The following SYNDIG1 variants were observed in gnomAD, a reference collection of about 807,000 sequenced individuals.
The protein encoded by SYNDIG1 is synapse differentiation-inducing gene protein 1.
SYNDIG1 carries 9 observed loss-of-function variants against 19.4 expected under a neutral mutation model. That is an observed-to-expected ratio of 0.46 (90% CI 0.28 to 0.81). SYNDIG1 has a LOEUF of 0.81. SYNDIG1 is among the 30% of genes least tolerant of loss of function. The pLI is 0.12. For missense variants in SYNDIG1, 311 were observed against 343.3 expected (o/e 0.91, Z 0.74); for synonymous variants, 141 against 145.9 (o/e 0.97, Z 0.24).
intron 2 of SYNDIG1, among the ~76,000 whole-genome samples, chr20:24,573,377 C>T (rs995838472): frequency 5.9e-5 from 9 of 152,142 alleles, no homozygotes; most frequent in Admixed American, 2.6e-4. Flanking sequence ...GTGTGATGCC[C>T]ACTCCCTACC....
chr20:24,621,432 T>C (rs1046973386), intron 3 of SYNDIG1, among the ~76,000 whole-genome samples: 1 of 152,232 alleles, frequency 6.6e-6, no homozygotes, highest in Admixed American at 6.5e-5. Context: ...ATGTATTATT[T>C]CAGATTTGCT....
intron 1 of SYNDIG1, among the ~76,000 whole-genome samples, chr20:24,497,142 A>C (rs2056323512): frequency 6.6e-6 from 1 of 152,112 alleles, no homozygotes; most frequent in South Asian, 2.1e-4. Context: ...GAATCAAGTA[A>C]GTTTTTTCTG....
At chr20:24,509,910 C>A (rs1318369289) in intron 1 of SYNDIG1, among the ~76,000 whole-genome samples, 1 of 152,158 alleles carries the variant, frequency 6.6e-6, no homozygotes, top group African/African-American at 2.4e-5. Context: ...TCTTCATGAA[C>A]GGTTTAGCGC....
At chr20:24,509,754 C>T (rs1600477143) in intron 1 of SYNDIG1, among the ~76,000 whole-genome samples, 1 of 152,210 alleles carries the variant, frequency 6.6e-6, no homozygotes, top group Non-Finnish European at 1.5e-5. Flanking sequence ...TGTTCTCTCT[C>T]ACAAATGCTG....
intron 3 of SYNDIG1, among the ~76,000 whole-genome samples, chr20:24,618,280 T>G: frequency 2.7e-5 from 3 of 109,956 alleles, no homozygotes; most frequent in South Asian, 3.1e-4. Context: ...GGAAGGGGGG[T>G]CCTGAGGGAC....
intron 3 of SYNDIG1, among the ~76,000 whole-genome samples, chr20:24,592,186 A>G (rs2058522506): frequency 6.6e-6 from 1 of 152,230 alleles, no homozygotes. Flanking sequence ...TCTCCTCTGA[A>G]TAAGATGCTC....
chr20:24,661,364 AAACCGAGGGAAGAGGGAGGGAG>A (rs2059586139), intron 3 of SYNDIG1, among the ~76,000 whole-genome samples: 32 of 112,888 alleles, frequency 2.8e-4, no homozygotes, highest in East Asian at 6.3e-4. Flanking sequence ...GAGGGAGGGA[AAACCGAGGGAAGAGGGAGGGAG>A]GAAAGAGGGA....
intron 3 of SYNDIG1, among the ~76,000 whole-genome samples, chr20:24,585,284 T>A (rs999600345): frequency 6.6e-6 from 1 of 152,212 alleles, no homozygotes. Context: ...AGAAGGCACA[T>A]GGCCTTTGGG....
chr20:24,506,459 G>A (rs1668300631), intron 1 of SYNDIG1, among the ~76,000 whole-genome samples: 1 of 152,214 alleles, frequency 6.6e-6, no homozygotes. Flanking sequence ...TCCCCCTGGT[G>A]CCACCACAGC....
chr20:24,660,310 A>G (rs1265584518), intron 3 of SYNDIG1, among the ~76,000 whole-genome samples: 1 of 152,254 alleles, frequency 6.6e-6, no homozygotes, highest in Non-Finnish European at 1.5e-5. Context: ...TTCAGCTATA[A>G]GAAATGCTGA....
chr20:24,500,514 CTTTCTTTCT>C (rs1390015567), intron 1 of SYNDIG1, among the ~76,000 whole-genome samples: 2 of 112,990 alleles, frequency 1.8e-5, no homozygotes, highest in Non-Finnish European at 3.6e-5. Flanking sequence ...TTCTTTCTTT[CTTTCTTTCT>C]TTCTTTCTTC....
intron 2 of SYNDIG1, among the ~76,000 whole-genome samples, chr20:24,559,129 A>G (rs1474011222): frequency 1.3e-5 from 2 of 152,160 alleles, no homozygotes; most frequent in East Asian, 1.9e-4. Context: ...TGTGGTATAT[A>G]TATATATACA....
At chr20:24,522,750 A>G (rs2057031540) in intron 1 of SYNDIG1, among the ~76,000 whole-genome samples, 1 of 152,188 alleles carries the variant, frequency 6.6e-6, no homozygotes. Flanking sequence ...TAGGCTGTAC[A>G]AGCATGGTGC....
intron 3 of SYNDIG1, among the ~76,000 whole-genome samples, chr20:24,640,379 G>A (rs1208407602): frequency 6.7e-6 from 1 of 150,026 alleles, no homozygotes; most frequent in African/African-American, 2.5e-5. Flanking sequence ...GAGGAAGGGA[G>A]GAAGGGAGGG....
chr20:24,571,934 T>C (rs1028437807), intron 2 of SYNDIG1, among the ~76,000 whole-genome samples: 1 of 152,178 alleles, frequency 6.6e-6, no homozygotes, highest in African/African-American at 2.4e-5. Context: ...CCAAAAAAAT[T>C]ATCAAAGAAC....
intron 2 of SYNDIG1, among the ~76,000 whole-genome samples, chr20:24,549,922 A>G (rs1330937125): frequency 6.6e-6 from 1 of 152,162 alleles, no homozygotes; most frequent in African/African-American, 2.4e-5. Flanking sequence ...TCCTCTCGGC[A>G]TTCAGATGTT....
chr20:24,586,807 A>G (rs1413695029), intron 3 of SYNDIG1, among the ~76,000 whole-genome samples: 1 of 152,206 alleles, frequency 6.6e-6, no homozygotes, highest in Non-Finnish European at 1.5e-5. Flanking sequence ...GAGGCTGCCT[A>G]CGTGGCCAAA....
intron 3 of SYNDIG1, among the ~76,000 whole-genome samples, chr20:24,626,633 G>A (rs2059142195): frequency 6.6e-6 from 1 of 151,864 alleles, no homozygotes; most frequent in African/African-American, 2.4e-5. Flanking sequence ...CCCAGACGAT[G>A]GGCGGCCAGG....
intron 1 of SYNDIG1, among the ~76,000 whole-genome samples, chr20:24,525,525 C>G (rs1156569152): frequency 6.6e-6 from 1 of 152,052 alleles, no homozygotes; most frequent in Non-Finnish European, 1.5e-5. Flanking sequence ...CTCAGGTGAT[C>G]CACCTGCCTC....
Sources: gnomAD v4.1 joint callset for allele counts (sites outside exome capture counted in the v4.1 genomes callset) on GRCh38, gnomAD v4.1.1 for gene constraint, MANE v1.5 for transcripts, NCBI Gene and HGNC (gene_info 2026-07-23, HGNC 2026-07-21) for gene names.